The following CLVS1 variants were observed in gnomAD, a reference collection of about 807,000 sequenced individuals.
The protein encoded by CLVS1 is clavesin-1.
A neutral mutation model predicts 33.1 loss-of-function variants in CLVS1; 10 were observed. The observed-to-expected ratio is 0.30, with a 90% CI of 0.19 to 0.51. CLVS1 has a LOEUF of 0.51. Ranked by LOEUF, CLVS1 falls within the 20% of genes least tolerant of loss-of-function variation. The probability of loss-of-function intolerance (pLI) is 0.97; values close to 1 mark genes in which losing one functional copy is unlikely to be tolerated. For synonymous variants in CLVS1, 163 were observed against 166.1 expected (o/e 0.98, Z 0.14); for missense variants, 343 against 433.4 (o/e 0.79, Z 1.85).
At chr8:61,403,270 C>A (rs947346057) in intron 3 of CLVS1, among the ~76,000 whole-genome samples, 1 of 152,010 alleles carries the variant, frequency 6.6e-6, no homozygotes, top group South Asian at 2.1e-4. Context: ...CTGGGAATAG[C>A]GGTATGGGAT....
intron 2 of CLVS1, among the ~76,000 whole-genome samples, chr8:61,139,753 G>A: frequency 6.6e-6 from 1 of 152,194 alleles, no homozygotes; most frequent in East Asian, 1.9e-4. Context: ...TTATCAGGAG[G>A]GCTGGGGGGG....
At chr8:61,232,273 T>C (rs1464145317) in intron 2 of CLVS1, among the ~76,000 whole-genome samples, 1 of 151,876 alleles carries the variant, frequency 6.6e-6, no homozygotes, top group Non-Finnish European at 1.5e-5. Flanking sequence ...CCTGACCTCG[T>C]GATCCGCCCG....
At chr8:61,216,966 T>C (rs1212814160) in intron 2 of CLVS1, among the ~76,000 whole-genome samples, 2 of 152,194 alleles carry the variant, frequency 1.3e-5, no homozygotes, top group Non-Finnish European at 2.9e-5. Context: ...TTTTTAGTCT[T>C]TCTAAGTTCT....
chr8:61,175,787 C>T (rs1585663911), intron 2 of CLVS1, among the ~76,000 whole-genome samples: 1 of 152,200 alleles, frequency 6.6e-6, no homozygotes, highest in East Asian at 1.9e-4. Context: ...CATTCTCAGA[C>T]TTCTAGCCTT....
At chr8:61,174,705 G>A (rs11994471) in intron 2 of CLVS1, among the ~76,000 whole-genome samples, 2 of 152,046 alleles carry the variant, frequency 1.3e-5, no homozygotes, top group African/African-American at 2.4e-5. Context: ...CAATGATTAA[G>A]GGTTCATTTA....
chr8:61,004,378 A>T, the CLVS1 span, among the ~76,000 whole-genome samples: 1 of 152,200 alleles, frequency 6.6e-6, no homozygotes, highest in South Asian at 2.1e-4. Flanking sequence ...AAAGGAATGC[A>T]GGCAGCCAGG....
intron 2 of CLVS1, among the ~76,000 whole-genome samples, chr8:61,196,197 G>A (rs1807603307): frequency 6.6e-6 from 1 of 152,154 alleles, no homozygotes; most frequent in Non-Finnish European, 1.5e-5. Flanking sequence ...TGAGGATAGA[G>A]ACAAGGTCTT....
intron 2 of CLVS1, among the ~76,000 whole-genome samples, chr8:61,181,933 C>T (rs897346354): frequency 6.6e-6 from 1 of 151,924 alleles, no homozygotes; most frequent in South Asian, 2.1e-4. Context: ...GATCTCCTGA[C>T]CTCGTGATCC....
At chr8:61,250,405 T>C (rs1423398261) in intron 2 of CLVS1, among the ~76,000 whole-genome samples, 1 of 152,200 alleles carries the variant, frequency 6.6e-6, no homozygotes, top group Admixed American at 6.5e-5. Context: ...ATGTGGGCTC[T>C]TTTTTGGTTC....
intron 2 of CLVS1, among the ~76,000 whole-genome samples, chr8:61,201,125 TTCA>T (rs1157837898): frequency 1.3e-5 from 2 of 152,172 alleles, no homozygotes; most frequent in Admixed American, 6.6e-5. Flanking sequence ...ATGAAATAAA[TTCA>T]TCCAATAATT....
At chr8:61,118,627 G>A (rs1214679291) in intron 1 of CLVS1, among the ~76,000 whole-genome samples, 2 of 151,368 alleles carry the variant, frequency 1.3e-5, no homozygotes, top group East Asian at 1.9e-4. Context: ...ATTTCGTTAT[G>A]TACCCAGTAG....
At chr8:61,453,072 T>C (rs1817021529) in intron 3 of CLVS1, among the ~76,000 whole-genome samples, 1 of 144,190 alleles carries the variant, frequency 6.9e-6, no homozygotes. Flanking sequence ...TCGGCTTTCA[T>C]CTCATCTTGC....
chr8:61,384,220 G>A (rs1813995228), intron 3 of CLVS1, among the ~76,000 whole-genome samples: 1 of 152,150 alleles, frequency 6.6e-6, no homozygotes, highest in African/African-American at 2.4e-5. Flanking sequence ...CAGGCACCAG[G>A]CAAGGAGCTT....
At chr8:61,150,892 T>C (rs1806519017) in intron 2 of CLVS1, among the ~76,000 whole-genome samples, 2 of 152,154 alleles carry the variant, frequency 1.3e-5, no homozygotes, top group Non-Finnish European at 2.9e-5. Context: ...TCATCGTTCC[T>C]GGCCACAAGC....
At chr8:61,356,500 C>A (rs1252496270) in intron 2 of CLVS1, among the ~76,000 whole-genome samples, 3 of 150,908 alleles carry the variant, frequency 2.0e-5, no homozygotes, top group Non-Finnish European at 4.4e-5. Flanking sequence ...ATGCCTATGT[C>A]CTGAATGGTA....
rs1463381145 is a variant in CLVS1, at chr8:61,443,570, T to C, written c.631-10571T>C. ...TTGAGCATTTGTGTGATTCTATTCT[T>C]GGGTCCTCTATTCTGTTCCCTTAAT... On this transcript the variant is annotated intron_variant, in intron 3 of 5. Coordinates refer to ENST00000325897, the MANE Select transcript of CLVS1 (RefSeq NM_173519.3). 4.6e-5 allele frequency among the ~76,000 whole-genome samples: 7 copies of C among 152,222 alleles called. No homozygotes were observed. In the East Asian group the frequency reaches 1.3e-3, roughly 29 times the overall value.
At chr8:61,460,876 C>A (rs575979865) in intron 5 of CLVS1, among the ~76,000 whole-genome samples, 1 of 152,122 alleles carries the variant, frequency 6.6e-6, no homozygotes, top group Non-Finnish European at 1.5e-5. Context: ...CTGGTAAAAC[C>A]GTTTCATCTC....
intron 2 of CLVS1, among the ~76,000 whole-genome samples, chr8:61,344,739 T>A (rs1373676267): frequency 6.6e-6 from 1 of 152,206 alleles, no homozygotes; most frequent in African/African-American, 2.4e-5. Context: ...GAGATCGTAC[T>A]TTTTCCCTTT....
chr8:61,423,534 C>T (rs757812460), intron 3 of CLVS1, among the ~76,000 whole-genome samples: 1 of 152,116 alleles, frequency 6.6e-6, no homozygotes, highest in Non-Finnish European at 1.5e-5. Context: ...AAAGTGAAAC[C>T]TTGTCAGTGT....
Sources: allele counts gnomAD v4.1 joint callset (sites outside exome capture counted in the v4.1 genomes callset), GRCh38; gene constraint gnomAD v4.1.1; transcripts MANE v1.5; gene names NCBI Gene and HGNC (gene_info 2026-07-23, HGNC 2026-07-21).